Variants in TMEM266 observed in about 807,000 individuals in gnomAD.
TMEM266 encodes the protein Hv1 related protein 1.
TMEM266 carries 33 observed loss-of-function variants against 50.5 expected under a neutral mutation model. The observed-to-expected ratio is 0.65, with a 90% CI of 0.50 to 0.87. TMEM266 has a LOEUF of 0.87. Ranked by LOEUF, TMEM266 falls within the 40% of genes least tolerant of loss-of-function variation. The probability of loss-of-function intolerance (pLI) is 0.00; values close to 1 mark genes in which losing one functional copy is unlikely to be tolerated. For missense variants in TMEM266, 655 were observed against 695.1 expected (o/e 0.94, Z 0.65); for synonymous variants, 310 against 292.3 (o/e 1.06, Z -0.62).
intron 3 of TMEM266, among the ~76,000 whole-genome samples, chr15:76,155,740 C>A (rs2037914652): frequency 6.6e-6 from 1 of 152,188 alleles, no homozygotes; most frequent in East Asian, 1.9e-4. Flanking sequence ...CATCAAATAA[C>A]AACTATGAAC....
intron 10 of TMEM266, among the ~76,000 whole-genome samples, chr15:76,202,480 G>GATAGGGGTGCTCTGTGATCACCC (rs2038764193): frequency 6.6e-6 from 1 of 152,220 alleles, no homozygotes; most frequent in Non-Finnish European, 1.5e-5. Flanking sequence ...CAGGTGCCAG[G>GATAGGGGTGCTCTGTGATCACCC]ATAGGGGTGC....
intron 1 of TMEM266, among the ~76,000 whole-genome samples, chr15:76,061,664 A>G (rs1429222487): frequency 2.0e-5 from 3 of 152,234 alleles, no homozygotes; most frequent in African/African-American, 7.2e-5. Context: ...CACTAAACCT[A>G]TAAAAAGTGG....
rs140676828 is a variant in TMEM266, at chr15:76,094,906, G to A, written c.-97+34890G>A. Among the ~76,000 whole-genome samples, 834 of 151,820 alleles carry A rather than the reference G, an allele frequency of 5.5e-3. 7 individuals are homozygous for A. Among genetic ancestry groups the A allele is most frequent in the Non-Finnish European group, 9.0e-3 (614 of 67,890 alleles). ...TGATTGGGAGTTCACTCATGACTTG[G>A]CTGTGTTTGTCTGTTATTGGTGTAT... On this transcript the variant is annotated intron_variant, in intron 1 of 10. Coordinates refer to ENST00000388942, the MANE Select transcript of TMEM266 (RefSeq NM_152335.3).
At chr15:76,156,860 C>T (rs1225960472) in intron 4 of TMEM266, 102 bp downstream of exon 4, 2 of 1,226,078 alleles carry the variant, frequency 1.6e-6, no homozygotes, top group Non-Finnish European at 2.3e-6. Context: ...GTGATCTGCC[C>T]CCGCCGATGC....
At chr15:76,121,431 C>A (rs1377816649) in intron 1 of TMEM266, among the ~76,000 whole-genome samples, 1 of 150,594 alleles carries the variant, frequency 6.6e-6, no homozygotes, top group Admixed American at 6.6e-5. Context: ...TTTTTTATTT[C>A]TTTGAGATGG....
At chr15:76,112,274 A>AC (rs1330950912) in intron 1 of TMEM266, among the ~76,000 whole-genome samples, 1 of 152,190 alleles carries the variant, frequency 6.6e-6, no homozygotes, top group Non-Finnish European at 1.5e-5. Flanking sequence ...ACAAAGAGTG[A>AC]CCCCTAATAT....
intron 9 of TMEM266, among the ~76,000 whole-genome samples, chr15:76,198,808 G>A (rs1296108698): frequency 4.2e-5 from 4 of 95,480 alleles, no homozygotes; most frequent in African/African-American, 6.2e-5. Context: ...CAGCCTGCAT[G>A]ACACAAGACA....
intron 5 of TMEM266, among the ~76,000 whole-genome samples, chr15:76,166,011 G>A (rs977082169): frequency 2.0e-5 from 3 of 152,212 alleles, no homozygotes; most frequent in African/African-American, 7.2e-5. Context: ...GTCCACGAGA[G>A]TCCAGGAATC....
intron 1 of TMEM266, among the ~76,000 whole-genome samples, chr15:76,133,505 C>T (rs1313614478): frequency 6.6e-6 from 1 of 152,164 alleles, no homozygotes; most frequent in Non-Finnish European, 1.5e-5. Context: ...TACTAAGTGT[C>T]AGACGCTATG....
chr15:76,164,989 A>G (rs764543885), intron 5 of TMEM266, among the ~76,000 whole-genome samples: 1 of 152,272 alleles, frequency 6.6e-6, no homozygotes, highest in Non-Finnish European at 1.5e-5. Context: ...ACTTCTGCCT[A>G]CATCTCCTAA....
chr15:76,126,933 G>C (rs2037433252), intron 1 of TMEM266, among the ~76,000 whole-genome samples: 1 of 152,102 alleles, frequency 6.6e-6, no homozygotes, highest in African/African-American at 2.4e-5. Context: ...AGGGAGAAGA[G>C]GAGATATTGG....
chr15:76,090,587 A>G (rs1348940778), intron 1 of TMEM266, among the ~76,000 whole-genome samples: 1 of 152,064 alleles, frequency 6.6e-6, no homozygotes, highest in Non-Finnish European at 1.5e-5. Flanking sequence ...CAAAGGATGC[A>G]CAGTGTCCCA....
At chr15:76,129,713 TG>T (rs1425601180) in intron 1 of TMEM266, among the ~76,000 whole-genome samples, 1 of 151,936 alleles carries the variant, frequency 6.6e-6, no homozygotes, top group Non-Finnish European at 1.5e-5. Flanking sequence ...TAATCCAGAC[TG>T]TGGGAAACTT....
At chr15:76,188,341 G>T (rs1285747540) in intron 8 of TMEM266, among the ~76,000 whole-genome samples, 1 of 152,138 alleles carries the variant, frequency 6.6e-6, no homozygotes, top group African/African-American at 2.4e-5. Context: ...AAGCAAAAGG[G>T]GGAAAAGCCC....
chr15:76,164,786 G>A (rs911779147), intron 5 of TMEM266, among the ~76,000 whole-genome samples: 1 of 152,192 alleles, frequency 6.6e-6, no homozygotes, highest in South Asian at 2.1e-4. Flanking sequence ...ACCCACTGCC[G>A]ACAGTGTTGG....
intron 1 of TMEM266, among the ~76,000 whole-genome samples, chr15:76,117,324 C>T (rs1398222761): frequency 6.6e-6 from 1 of 152,042 alleles, no homozygotes; most frequent in Non-Finnish European, 1.5e-5. Context: ...ACAAGGTCAT[C>T]ACGTGCCGTA....
intron 7 of TMEM266, among the ~76,000 whole-genome samples, chr15:76,173,305 A>G (rs2038215490): frequency 6.6e-6 from 1 of 152,170 alleles, no homozygotes; most frequent in Admixed American, 6.5e-5. Flanking sequence ...GGAGGGTTCT[A>G]GAAATCAGGG....
At chr15:76,167,832 C>T (rs1449870958) in intron 5 of TMEM266, among the ~76,000 whole-genome samples, 4 of 151,984 alleles carry the variant, frequency 2.6e-5, no homozygotes, top group Admixed American at 2.6e-4. Context: ...GCTGAGTACA[C>T]TCTGCAGAAC....
At chr15:76,124,091 C>T (rs1596119228) in intron 1 of TMEM266, among the ~76,000 whole-genome samples, 1 of 152,326 alleles carries the variant, frequency 6.6e-6, no homozygotes, top group East Asian at 1.9e-4. Context: ...GGCCCAGGCT[C>T]CTTTGCAGCC....
Sources: allele counts gnomAD v4.1 joint callset (sites outside exome capture counted in the v4.1 genomes callset), GRCh38; gene constraint gnomAD v4.1.1; transcripts MANE v1.5; gene names NCBI Gene and HGNC (gene_info 2026-07-23, HGNC 2026-07-21).